The following KCNB2 variants were observed in gnomAD, a reference collection of about 807,000 sequenced individuals.
KCNB2 encodes delayed rectifier potassium channel protein.
A neutral mutation model predicts 61.5 loss-of-function variants in KCNB2; 15 were observed. That is an observed-to-expected ratio of 0.24 (90% CI 0.16 to 0.38). The LOEUF (loss-of-function observed/expected upper bound fraction) is 0.38. Among genes scored for constraint, KCNB2 ranks in the 10% least tolerant of loss-of-function variants. The pLI is 1.00. For synonymous variants in KCNB2, 457 were observed against 446.0 expected, an observed-to-expected ratio of 1.02 and a Z score of -0.31; for missense variants, 828 against 1,125.2, an observed-to-expected ratio of 0.74 and a Z score of 3.78.
At chr8:72,718,396 A>T (rs1457989226) in intron 2 of KCNB2, among the ~76,000 whole-genome samples, 4 of 152,198 alleles carry the variant, frequency 2.6e-5, no homozygotes. Context: ...TCACAATAGC[A>T]AAGACTTGGA....
intron 2 of KCNB2, among the ~76,000 whole-genome samples, chr8:72,906,082 C>T (rs1806171944): frequency 6.6e-6 from 1 of 152,190 alleles, no homozygotes; most frequent in African/African-American, 2.4e-5. Context: ...TCGAAAGCTG[C>T]CATTTTCATT....
At chr8:72,752,498 G>A (rs1808208714) in intron 2 of KCNB2, among the ~76,000 whole-genome samples, 1 of 152,128 alleles carries the variant, frequency 6.6e-6, no homozygotes. Flanking sequence ...CACTGCTGGA[G>A]CTGGGACATC....
chr8:72,883,609 A>G (rs1805752565), intron 2 of KCNB2, among the ~76,000 whole-genome samples: 1 of 152,178 alleles, frequency 6.6e-6, no homozygotes, highest in South Asian at 2.1e-4. Flanking sequence ...TTTTCTAAGG[A>G]ATAAAACAGT....
chr8:72,817,419 G>A (rs1384911227), intron 2 of KCNB2, among the ~76,000 whole-genome samples: 2 of 152,134 alleles, frequency 1.3e-5, no homozygotes, highest in African/African-American at 4.8e-5. Context: ...AAACAGCCCA[G>A]ATAGTCATTG....
chr8:72,671,950 G>A (rs1376840765), intron 2 of KCNB2, among the ~76,000 whole-genome samples: 1 of 152,136 alleles, frequency 6.6e-6, no homozygotes, highest in Admixed American at 6.6e-5. Context: ...TGTGAGTTCA[G>A]CTAAGTCCAG....
In KCNB2 at chr8:72,936,309, G is replaced by C. The variant is rs747892646; in HGVS notation, c.954G>C (p.Ser318=). ...GGATCCTGAAACTCGCCAGGCATTC[G>C]ACAGGCCTGCAGTCTCTGGGTTTCA... The part of the protein sequence containing the change: ...ILRILKLARH[S]TGLQSLGFTL... Residue 318 remains serine, a synonymous_variant, in exon 3 of 3, where the codon TCG becomes TCC. Coordinates refer to ENST00000523207, the MANE Select transcript of KCNB2 (RefSeq NM_004770.3). The surrounding 1 kb of genome is among the most constrained non-coding windows in gnomAD (Gnocchi z 5.6). 6.2e-7 allele frequency: 1 copy of C among 1,614,228 alleles called. No individual in the cohort carries two copies. The highest frequency in any genetic ancestry group is 8.5e-7 in the Non-Finnish European group (1 of 1,180,032).
intron 1 of KCNB2, among the ~76,000 whole-genome samples, chr8:72,565,952 A>G (rs1040172885): frequency 6.6e-6 from 1 of 152,208 alleles, no homozygotes; most frequent in Non-Finnish European, 1.5e-5. Flanking sequence ...TGGGAAAGGT[A>G]TGTTGCAATG....
intron 2 of KCNB2, among the ~76,000 whole-genome samples, chr8:72,569,190 A>G (rs1806673353): frequency 6.6e-6 from 1 of 152,206 alleles, no homozygotes; most frequent in Admixed American, 6.5e-5. Context: ...AAATTCAAAA[A>G]GCCATCTTTA....
Position 72,743,776 on chromosome 8 carries a change from T to C in KCNB2, c.579+175463T>C, listed in dbSNP as rs117518220. ...CACATTTCCTGTAAGTTTCACATAT[T>C]ATTATACAGATTCAACTATACTTTA... On this transcript the variant is annotated intron_variant, in intron 2 of 2. Coordinates refer to ENST00000523207, the MANE Select transcript of KCNB2 (RefSeq NM_004770.3). Among the ~76,000 whole-genome samples the C allele has an allele frequency of 2.4e-3, 360 of 152,284 alleles. 2 individuals are homozygous for C. Among genetic ancestry groups the C allele is most frequent in the Non-Finnish European group, 4.6e-3 (313 of 68,028 alleles).
At chr8:72,614,283 A>G (rs1184913457) in intron 2 of KCNB2, among the ~76,000 whole-genome samples, 1 of 152,214 alleles carries the variant, frequency 6.6e-6, no homozygotes, top group African/African-American at 2.4e-5. Context: ...AGATACAGAA[A>G]GATATCTATG....
chr8:72,692,104 T>G (rs1476109730), intron 2 of KCNB2, among the ~76,000 whole-genome samples: 2 of 151,554 alleles, frequency 1.3e-5, no homozygotes, highest in East Asian at 2.0e-4. Flanking sequence ...GACGTGGTGG[T>G]GGGTGCCTGT....
At chr8:72,590,844 C>A (rs926621999) in intron 2 of KCNB2, among the ~76,000 whole-genome samples, 2 of 152,096 alleles carry the variant, frequency 1.3e-5, no homozygotes, top group African/African-American at 4.8e-5. Flanking sequence ...TAGCTCCTTA[C>A]GTACTCCAGT....
In KCNB2 at chr8:72,929,943, T is replaced by TC. The variant is rs143167554; in HGVS notation, c.580-5986dup. On this transcript the variant is annotated intron_variant, in intron 2 of 2. Transcript: ENST00000523207. Reference sequence around the variant, plus strand: ...TAGGTATATCTCCTAATGGTATCCCTCCCCCCTCCCCCCACCCCACAACAG... The same window carrying TC: ...TAGGTATATCTCCTAATGGTATCCCTCCCCCCCTCCCCCCACCCCACAACAG... Among the ~76,000 whole-genome samples, 5 of 90,476 alleles carry TC rather than the reference T, an allele frequency of 5.5e-5. No individual in the cohort carries two copies. In the South Asian group the frequency reaches 2.1e-3, roughly 38 times the overall value. The allele number at this position is 90,476 out of a possible 152,430, so 59.4% of individuals were successfully genotyped here. A position where few individuals can be genotyped will look rare whatever the true frequency, so the allele number is the denominator to read the frequency against.
chr8:72,817,344 A>G (rs1365129293), intron 2 of KCNB2, among the ~76,000 whole-genome samples: 1 of 152,160 alleles, frequency 6.6e-6, no homozygotes, highest in African/African-American at 2.4e-5. Flanking sequence ...CCCCTGTAGG[A>G]CTGAAGAATA....
rs113917479 is a variant in KCNB2, at chr8:72,758,438, T to C, written c.580-177497T>C. On this transcript the variant is annotated intron_variant, in intron 2 of 2. Transcript: ENST00000523207. Reference sequence around the variant, plus strand: ...CTGGAAAAGACCAAGCCGAACAGGCTCAAAACAAATGTGTATAAACATAGA... The same window carrying C: ...CTGGAAAAGACCAAGCCGAACAGGCCCAAAACAAATGTGTATAAACATAGA... Among the ~76,000 whole-genome samples the C allele has an allele frequency of 3.0e-3, 462 of 152,304 alleles. 2 individuals carry two copies. Among genetic ancestry groups the C allele is most frequent in the African/African-American group, 0.011 (440 of 41,560 alleles).
intron 2 of KCNB2, among the ~76,000 whole-genome samples, chr8:72,746,497 A>C (rs1489199338): frequency 6.6e-6 from 1 of 152,190 alleles, no homozygotes; most frequent in Non-Finnish European, 1.5e-5. Context: ...TAAAACAAAC[A>C]AACAAACATG....
In KCNB2 at chr8:72,561,697, A is replaced by T. The variant is rs1169321541; in HGVS notation, c.-93-5945A>T. On this transcript the variant is annotated intron_variant, in intron 1 of 2. Transcript: ENST00000523207. ...AATTTCCAGGATCTTACTTTTATAT[A>T]TATATATATATATATATATATATAT... Among the ~76,000 whole-genome samples, 4 of 18,152 alleles carry T rather than the reference A, an allele frequency of 2.2e-4. No homozygotes were observed. In the African/African-American group the frequency reaches 2.5e-3, roughly 11 times the overall value. 11.9% of individuals were successfully genotyped at this position (18,152 alleles called of 152,430 possible).
At chr8:72,745,750 C>T (rs1808051819) in intron 2 of KCNB2, among the ~76,000 whole-genome samples, 1 of 152,118 alleles carries the variant, frequency 6.6e-6, no homozygotes, top group African/African-American at 2.4e-5. Flanking sequence ...CTGCTGCCCT[C>T]CCCAGAGATG....
rs565446559 is a variant in KCNB2, at chr8:72,843,118, A to C, written c.580-92817A>C. Among the ~76,000 whole-genome samples the C allele has an allele frequency of 3.3e-5, 5 of 152,198 alleles. No individual in the cohort carries two copies. In the South Asian group the frequency reaches 1.0e-3, roughly 32 times the overall value. ...AAACACTGCTTTAGCTGTGTCCCAG[A>C]GATTCCAGTACACTTTGTCTTTGTT... On this transcript the variant is annotated intron_variant, in intron 2 of 2. Transcript: ENST00000523207.
Sources: allele counts gnomAD v4.1 joint callset (sites outside exome capture counted in the v4.1 genomes callset), GRCh38; gene constraint gnomAD v4.1.1; non-coding constraint Gnocchi (gnomAD v3.1); transcripts MANE v1.5; gene names NCBI Gene and HGNC (gene_info 2026-07-23, HGNC 2026-07-21).